Variants in SEZ6L observed in about 807,000 individuals in gnomAD.
SEZ6L encodes the protein seizure related 6 homolog like.
In SEZ6L, 37 loss-of-function variants were observed where a neutral mutation model predicts 106.2. The observed-to-expected ratio is 0.35, with a 90% CI of 0.27 to 0.46. SEZ6L has a LOEUF of 0.46. SEZ6L is among the 20% of genes least tolerant of loss of function. The pLI, the probability that SEZ6L is intolerant of heterozygous loss-of-function variation, is 1.00. For missense variants in SEZ6L, 1,172 were observed against 1,332.8 expected (o/e 0.88, Z 1.88); for synonymous variants, 541 against 570.4 (o/e 0.95, Z 0.73).
intron 9 of SEZ6L, among the ~76,000 whole-genome samples, chr22:26,317,055 A>G (rs1417094416): frequency 1.3e-5 from 2 of 152,276 alleles, no homozygotes; most frequent in Non-Finnish European, 2.9e-5. Context: ...TGGAAATGAA[A>G]GAGTGTGACC....
chr22:26,192,931 G>A (rs2145660165), intron 1 of SEZ6L, among the ~76,000 whole-genome samples: 1 of 152,290 alleles, frequency 6.6e-6, no homozygotes, highest in South Asian at 2.1e-4. Flanking sequence ...AGGTATTCCT[G>A]TCCTGAATAG....
intron 1 of SEZ6L, among the ~76,000 whole-genome samples, chr22:26,240,197 C>T (rs2079082728): frequency 6.6e-6 from 1 of 152,074 alleles, no homozygotes; most frequent in African/African-American, 2.4e-5. Context: ...CACCTTTGCT[C>T]ATGCTGTTCC....
rs142090333 is a variant in SEZ6L at position 26,342,682 on chromosome 22, G to A, written c.2212+2050G>A. 2.8e-3 allele frequency among the ~76,000 whole-genome samples: 423 copies of A among 151,146 alleles called. 4 individuals carry two copies. Among genetic ancestry groups the A allele is most frequent in the African/African-American group, 9.7e-3 (395 of 40,852 alleles). ...CTGACTCCAGCCTGGGTGATAGAGCGAGACTCCGTCTCAAAGAAAAAAGAA... is the reference window on the plus strand; with the variant it reads ...CTGACTCCAGCCTGGGTGATAGAGCAAGACTCCGTCTCAAAGAAAAAAGAA... On this transcript the variant is annotated intron_variant, in intron 10 of 16. Transcript: ENST00000248933.
chr22:26,281,374 CTTTTTTTTTT>C (rs769088373), intron 1 of SEZ6L, among the ~76,000 whole-genome samples: 1 of 130,596 alleles, frequency 7.7e-6, no homozygotes, highest in African/African-American at 2.9e-5. Context: ...TTCTTTCTTT[CTTTTTTTTTT>C]TTTTTTTTGA....
At chr22:26,283,364 G>A (rs1027539427) in intron 1 of SEZ6L, among the ~76,000 whole-genome samples, 5 of 152,174 alleles carry the variant, frequency 3.3e-5, no homozygotes, top group Non-Finnish European at 7.3e-5. Flanking sequence ...GTTCAGTGAG[G>A]TATATGTTTA....
chr22:26,258,778 G>A (rs1733624880), intron 1 of SEZ6L, among the ~76,000 whole-genome samples: 1 of 152,170 alleles, frequency 6.6e-6, no homozygotes, highest in Admixed American at 6.5e-5. Context: ...AAGGAGTTGA[G>A]GCTGCAAGTG....
Position 26,347,759 on chromosome 22 carries a change from C to T in SEZ6L, c.2253C>T (p.Ile751=), listed in dbSNP as rs2083057786. 1.9e-6 allele frequency: 3 copies of T among 1,609,640 alleles called. No homozygotes were observed. Among genetic ancestry groups the T allele is most frequent in the Non-Finnish European group, 2.5e-6 (3 of 1,178,450 alleles). The change falls in exon 11 of 17, where the codon ATC becomes ATT. Residue 751 remains isoleucine (I), a synonymous_variant. Coordinates refer to ENST00000248933, the MANE Select transcript of SEZ6L (RefSeq NM_021115.5). ...RNDSCSDLPE[I]QNGWKTTSHT... is the part of the protein sequence containing the mutation. ...ACTCCTGCTCGGATTTACCCGAGAT[C>T]CAGAATGGCTGGAAAACCACTTCTC...
intron 9 of SEZ6L, among the ~76,000 whole-genome samples, chr22:26,314,505 T>A (rs1473039227): frequency 6.6e-6 from 1 of 152,158 alleles, no homozygotes; most frequent in African/African-American, 2.4e-5. Flanking sequence ...CAGAAGGTCC[T>A]CTCCTCTGGG....
At chr22:26,320,175 A>C (rs552719972) in intron 9 of SEZ6L, among the ~76,000 whole-genome samples, 1 of 152,312 alleles carries the variant, frequency 6.6e-6, no homozygotes, top group Non-Finnish European at 1.5e-5. Flanking sequence ...TTAGAATCAG[A>C]ATATCTAGCG....
intron 1 of SEZ6L, among the ~76,000 whole-genome samples, chr22:26,265,371 A>G (rs2080142624): frequency 6.6e-6 from 1 of 152,212 alleles, no homozygotes; most frequent in Non-Finnish European, 1.5e-5. Flanking sequence ...GAGAAAAAAA[A>G]TGAATGCTTC....
rs569104572 is a variant in SEZ6L at position 26,183,983 on chromosome 22, G to A, written c.94+14220G>A. ...TTTGATTGTCAAAAACAACTCCGAG[G>A]ACCTAGTACTATGGAAAATTACTTC... is the stretch of plus-strand genomic sequence containing the variant. On this transcript the variant is annotated intron_variant, in intron 1 of 16. Coordinates refer to ENST00000248933, the MANE Select transcript of SEZ6L (RefSeq NM_021115.5). 2.9e-4 allele frequency among the ~76,000 whole-genome samples: 44 copies of A among 152,268 alleles called. 1 individual carries two copies. In the South Asian group the frequency reaches 5.8e-3, roughly 20 times the overall value.
chr22:26,242,731 A>G (rs1223530857), intron 1 of SEZ6L: 1 of 152,188 alleles, frequency 6.6e-6, no homozygotes, highest in African/African-American at 2.4e-5. Context: ...GAAGACTTGA[A>G]AAATGAATTC....
chr22:26,292,816 G>A lies in SEZ6L; in HGVS notation c.505G>A (p.Asp169Asn), dbSNP rs760017116. 14 of 1,613,852 alleles carry A rather than the reference G, an allele frequency of 8.7e-6. No individual in the cohort carries two copies. In the African/African-American group the frequency reaches 9.3e-5, roughly 11 times the overall value. Residue 169 changes from aspartate (D) to asparagine (N), a missense_variant, in exon 2 of 17, where the codon GAC becomes AAC. Transcript: ENST00000248933. ...SSTEKPGPPG[D>N]PDPIVASEEA... ...CACGGAGAAGCCTGGCCCACCGGGGGACCCGGACCCCATCGTGGCCTCCGA... is the reference window on the plus strand; with the variant it reads ...CACGGAGAAGCCTGGCCCACCGGGGAACCCGGACCCCATCGTGGCCTCCGA...
intron 5 of SEZ6L, 54 bp downstream of exon 5, chr22:26,299,223 G>A (rs892207451): frequency 5.4e-6 from 7 of 1,304,592 alleles, no homozygotes; most frequent in Non-Finnish European, 6.9e-6. Flanking sequence ...AGAGGGGAAA[G>A]ACCAACCTGT....
chr22:26,305,253 A>ATGAATATCC (rs1311074565), intron 5 of SEZ6L, among the ~76,000 whole-genome samples: 1 of 152,234 alleles, frequency 6.6e-6, no homozygotes, highest in Non-Finnish European at 1.5e-5. Flanking sequence ...TAGAAACAAG[A>ATGAATATCC]TAGCCATGAA....
chr22:26,367,467 G>A (rs2083857955), intron 13 of SEZ6L, among the ~76,000 whole-genome samples: 1 of 151,776 alleles, frequency 6.6e-6, no homozygotes. Context: ...CCTCAGCCTC[G>A]CGAGTGGCTG....
At chr22:26,333,123 G>A (rs2082538829) in intron 9 of SEZ6L, among the ~76,000 whole-genome samples, 1 of 152,256 alleles carries the variant, frequency 6.6e-6, no homozygotes. Flanking sequence ...GAAGCAGCCA[G>A]AAGTGGTAAC....
intron 1 of SEZ6L, among the ~76,000 whole-genome samples, chr22:26,283,000 A>C (rs891722813): frequency 6.6e-6 from 1 of 152,018 alleles, no homozygotes; most frequent in African/African-American, 2.4e-5. Context: ...GGCTCACTGC[A>C]ACCTCCACCT....
At chr22:26,362,022 CT>C (rs892888828) in intron 12 of SEZ6L, among the ~76,000 whole-genome samples, 5 of 77,958 alleles carry the variant, frequency 6.4e-5, no homozygotes, top group Non-Finnish European at 9.9e-5. Flanking sequence ...CAGACCCACC[CT>C]GCATTAAAAA....
Sources: allele counts gnomAD v4.1 joint callset (sites outside exome capture counted in the v4.1 genomes callset), GRCh38; gene constraint gnomAD v4.1.1; transcripts MANE v1.5; gene names NCBI Gene and HGNC (gene_info 2026-07-23, HGNC 2026-07-21).